The following PLG variants were observed in gnomAD, a reference collection of about 807,000 sequenced individuals.
The protein encoded by PLG is plasminogen.
In PLG, 41 loss-of-function variants were observed where a neutral mutation model predicts 104.4. The ratio of observed to expected loss-of-function variants is 0.39; its 90% confidence interval spans 0.31 to 0.51. The LOEUF is 0.51. Among genes scored for constraint, PLG ranks in the 20% least tolerant of loss-of-function variants. PLG has a pLI of 0.76. For synonymous variants in PLG, 337 were observed against 357.1 expected (o/e 0.94, Z 0.63); for missense variants, 891 against 1,003.6 (o/e 0.89, Z 1.52).
At position 160,724,341 on chromosome 6, in the gene PLG, C is replaced by T. The variant is rs374795053; in HGVS notation, c.1256+1774C>T. On this transcript the variant is annotated intron_variant, in intron 10 of 18. Coordinates refer to ENST00000308192, the MANE Select transcript of PLG (RefSeq NM_000301.5). The surrounding 1 kb of genome is among the most constrained non-coding windows in gnomAD (Gnocchi z 5.0). ...TGTTTAATGAAAAATGTACTGGCTACCCTTACCATCAGGTTAGACATTACA... is the reference window on the plus strand; with the variant it reads ...TGTTTAATGAAAAATGTACTGGCTATCCTTACCATCAGGTTAGACATTACA... Among the ~76,000 whole-genome samples the T allele has an allele frequency of 3.3e-5, 5 of 152,114 alleles. No homozygotes were observed. The highest frequency in any genetic ancestry group is 9.6e-5 in the African/African-American group (4 of 41,514).
At chr6:160,717,938 T>G (rs1777767012) in intron 7 of PLG, among the ~76,000 whole-genome samples, 1 of 152,172 alleles carries the variant, frequency 6.6e-6, no homozygotes, top group Admixed American at 6.5e-5. Context: ...CATCCATCTG[T>G]GCATTCTCTA....
intron 5 of PLG, 142 bp downstream of exon 5, chr6:160,713,267 A>C (rs1777676264): frequency 4.9e-5 from 36 of 738,526 alleles, no homozygotes; most frequent in Middle Eastern, 3.9e-4. Flanking sequence ...CCCAGAATTA[A>C]CCTGAATTTT....
intron 7 of PLG, 68 bp downstream of exon 7, chr6:160,716,831 T>A (rs1324283833): frequency 1.1e-6 from 1 of 940,260 alleles, no homozygotes. Flanking sequence ...AAAGAAAACA[T>A]GTGTCAGTGC....
chr6:160,710,118 G>C (rs1777612341), intron 3 of PLG, among the ~76,000 whole-genome samples: 1 of 152,152 alleles, frequency 6.6e-6, no homozygotes. Context: ...CAATCTGAAT[G>C]TGTAAAACCT....
rs905568410 is a variant in PLG, at chr6:160,736,386, T to C, written c.1682-501T>C. ...GTAATCCTTGCTACATACAATCACA[T>C]ACACACACACACACACGTGCACACA... On this transcript the variant is annotated intron_variant, in intron 13 of 18. Coordinates refer to ENST00000308192, the MANE Select transcript of PLG (RefSeq NM_000301.5). This position sits in a 1 kb window ranked among gnomAD's most constrained non-coding sequence, Gnocchi z 5.2. 1.3e-4 allele frequency among the ~76,000 whole-genome samples: 20 copies of C among 151,066 alleles called. No individual in the cohort carries two copies. The highest frequency in any genetic ancestry group is 5.9e-4 in the Admixed American group (9 of 15,166).
In PLG at chr6:160,734,196, C is replaced by A; in HGVS notation, c.1681+108C>A. On this transcript the variant is annotated intron_variant, in intron 13 of 18. Transcript: ENST00000308192. This position sits in a 1 kb window ranked among gnomAD's most constrained non-coding sequence, Gnocchi z 4.4. The stretch of plus-strand genomic sequence containing the variant: ...TGCTTCTGGGGAGGAGATAGCTGCC[C>A]TCTCCATCAGACCCCACTCTTCATC... The A allele has an allele frequency of 1.5e-6, 1 of 677,206 alleles. No individual in the cohort carries two copies. Among genetic ancestry groups the A allele is most frequent in the Non-Finnish European group, 2.8e-6 (1 of 362,204 alleles). 41.9% of individuals were successfully genotyped at this position (677,206 alleles called of 1,614,324 possible).
Position 160,724,205 on chromosome 6 carries a change from T to C in PLG, c.1256+1638T>C, listed in dbSNP as rs1363051320. Among the ~76,000 whole-genome samples the C allele has an allele frequency of 2.0e-5, 3 of 152,142 alleles. No homozygotes were observed. Among genetic ancestry groups the C allele is most frequent in the Non-Finnish European group, 4.4e-5 (3 of 68,026 alleles). On this transcript the variant is annotated intron_variant, in intron 10 of 18. Transcript: ENST00000308192. This position sits in a 1 kb window ranked among gnomAD's most constrained non-coding sequence, Gnocchi z 5.0. ...GATTTGAAATATATATATATCATAA[T>C]TGTGTTCAAGGATTTAAATAAAACA...
rs972667958 is a variant in PLG at position 160,723,836 on chromosome 6, G to A, written c.1256+1269G>A. On this transcript the variant is annotated intron_variant, in intron 10 of 18. Coordinates refer to ENST00000308192, the MANE Select transcript of PLG (RefSeq NM_000301.5). The surrounding 1 kb of genome is among the most constrained non-coding windows in gnomAD (Gnocchi z 4.7). ...TCTGACCAGCCTGAGGAGAGACCTCGCTGAACATCTTGGGCATTCAGTAGT... is the reference window on the plus strand; with the variant it reads ...TCTGACCAGCCTGAGGAGAGACCTCACTGAACATCTTGGGCATTCAGTAGT... Among the ~76,000 whole-genome samples the A allele has an allele frequency of 2.6e-5, 4 of 152,136 alleles. No individual in the cohort carries two copies. The highest frequency in any genetic ancestry group is 4.4e-5 in the Non-Finnish European group (3 of 68,024).
In PLG at chr6:160,741,269, G is replaced by C; in HGVS notation, c.2019-42G>C. 1.5e-6 allele frequency: 2 copies of C among 1,328,192 alleles called. No individual in the cohort carries two copies. The highest frequency in any genetic ancestry group is 2.3e-5 in the East Asian group (1 of 43,476). The allele number at this position is 1,328,192 out of a possible 1,614,324, so 82.3% of individuals were successfully genotyped here. On this transcript the variant is annotated intron_variant, in intron 16 of 18. Coordinates refer to ENST00000308192, the MANE Select transcript of PLG (RefSeq NM_000301.5). This position sits in a 1 kb window ranked among gnomAD's most constrained non-coding sequence, Gnocchi z 4.7. ...GACTGGTTGTGGGTACTGCAGCTGC[G>C]AGCAGAGCAGTCAAACATAACTGCT...
chr6:160,729,038 G>A (rs191108153), intron 10 of PLG, among the ~76,000 whole-genome samples: 8 of 152,052 alleles, frequency 5.3e-5, no homozygotes, highest in Non-Finnish European at 4.4e-5. Context: ...GAGTATAAAC[G>A]TTTCTCCCAC....
intron 4 of PLG, chr6:160,711,812 T>G: frequency 1.3e-6 from 2 of 1,507,214 alleles, no homozygotes; most frequent in Non-Finnish European, 1.8e-6. Context: ...AGAACTCTCA[T>G]CACATGTTCG....
At chr6:160,742,298 C>G (rs975391207) in intron 17 of PLG, among the ~76,000 whole-genome samples, 2 of 152,222 alleles carry the variant, frequency 1.3e-5, no homozygotes, top group Non-Finnish European at 2.9e-5. Flanking sequence ...TCTCTTTTCT[C>G]TGCAACCTTG....
Position 160,726,559 on chromosome 6 carries a change from A to T in PLG, c.1256+3992A>T, listed in dbSNP as rs1777925520. 6.6e-6 allele frequency among the ~76,000 whole-genome samples: 1 copy of T among 151,466 alleles called. No homozygotes were observed. The highest frequency in any genetic ancestry group is 1.5e-5 in the Non-Finnish European group (1 of 67,808). On this transcript the variant is annotated intron_variant, in intron 10 of 18. Coordinates refer to ENST00000308192, the MANE Select transcript of PLG (RefSeq NM_000301.5). This position sits in a 1 kb window ranked among gnomAD's most constrained non-coding sequence, Gnocchi z 4.4. Reference sequence around the variant, plus strand: ...AGTCTCTTGAGATCCCTTCAGAGACAGTCTATGAGGTTAAAACACCTTTAA... The same window carrying T: ...AGTCTCTTGAGATCCCTTCAGAGACTGTCTATGAGGTTAAAACACCTTTAA...
chr6:160,725,285 C>G lies in PLG; in HGVS notation c.1256+2718C>G, dbSNP rs574358106. ...GCAAAATGATAGCAATGTATTGCTA[C>G]TTTAACATATGTAAAAGTAAAAATT... On this transcript the variant is annotated intron_variant, in intron 10 of 18. Transcript: ENST00000308192. This position sits in a 1 kb window ranked among gnomAD's most constrained non-coding sequence, Gnocchi z 6.3. Among the ~76,000 whole-genome samples the G allele has an allele frequency of 7.9e-5, 12 of 152,062 alleles. No homozygotes were observed. Among genetic ancestry groups the G allele is most frequent in the Non-Finnish European group, 1.8e-4 (12 of 68,016 alleles).
chr6:160,720,807 C>T (rs181013302), intron 9 of PLG, among the ~76,000 whole-genome samples: 18 of 152,194 alleles, frequency 1.2e-4, no homozygotes, highest in Admixed American at 5.2e-4. Flanking sequence ...TCTGTATTTT[C>T]CTTTTGGGAC....
In PLG at chr6:160,708,874, C is replaced by A. The variant is rs966373752; in HGVS notation, c.292+1068C>A. On this transcript the variant is annotated intron_variant, in intron 3 of 18. Transcript: ENST00000308192. ...ATCTCGAATTCTTGAGATTAAAGTG[C>A]AGATTAAATCTAAACTTTATCTGGT... Among the ~76,000 whole-genome samples the A allele has an allele frequency of 3.3e-5, 5 of 151,934 alleles. No individual in the cohort carries two copies. The South Asian group carries it at 8.3e-4, about 25-fold the overall frequency.
chr6:160,741,369 G>T lies in PLG; in HGVS notation c.2077G>T (p.Val693Phe). 4 of 1,613,740 alleles carry T rather than the reference G, an allele frequency of 2.5e-6. No individual in the cohort carries two copies. The highest frequency in any genetic ancestry group is 2.5e-6 in the Non-Finnish European group (3 of 1,179,576). Residue 693 changes from valine (V) to phenylalanine (F), a missense_variant, in exon 17 of 19, where the codon GTC becomes TTC. Around this residue, in one of 2 missense-constraint regions of PLG, gnomAD observed 854 missense variants for 932.1 expected, o/e 0.92. Coordinates refer to ENST00000308192, the MANE Select transcript of PLG (RefSeq NM_000301.5). The surrounding 1 kb of genome is among the most constrained non-coding windows in gnomAD (Gnocchi z 4.7). ...PACLPSPNYV[V>F]ADRTECFITG... is the part of the protein sequence containing the mutation. Reference sequence around the variant, plus strand: ...TTGTCTGCCATCCCCAAATTATGTGGTCGCTGACCGGACCGAATGTTTCAT... The same window carrying T: ...TTGTCTGCCATCCCCAAATTATGTGTTCGCTGACCGGACCGAATGTTTCAT...
intron 7 of PLG, 65 bp from the exon 8 acceptor site, chr6:160,718,226 GGGC>G (rs1777773719): frequency 7.2e-7 from 1 of 1,392,380 alleles, no homozygotes; most frequent in Non-Finnish European, 1.0e-6. Flanking sequence ...ACTCCAGCCT[GGGC>G]GACAGAGCGA....
chr6:160,737,028 G>T lies in PLG; in HGVS notation c.1802+21G>T, dbSNP rs745624889. ...ACAAGGTAAGAACAGGCCCAGAAACGATTTATACTGTCCCTCCACGTAAGC... is the reference window on the plus strand; with the variant it reads ...ACAAGGTAAGAACAGGCCCAGAAACTATTTATACTGTCCCTCCACGTAAGC... On this transcript the variant is annotated intron_variant, in intron 14 of 18. Coordinates refer to ENST00000308192, the MANE Select transcript of PLG (RefSeq NM_000301.5). The surrounding 1 kb of genome is among the most constrained non-coding windows in gnomAD (Gnocchi z 4.7). 11 of 1,611,512 alleles carry T rather than the reference G, an allele frequency of 6.8e-6. No individual in the cohort carries two copies. The highest frequency in any genetic ancestry group is 4.3e-4 in the Middle Eastern group (2 of 4,696).
Sources: gnomAD v4.1 joint callset for allele counts (sites outside exome capture counted in the v4.1 genomes callset) on GRCh38, gnomAD v4.1.1 for gene constraint, gnomAD v4.1.1 regional missense constraint, Gnocchi (gnomAD v3.1) non-coding constraint, MANE v1.5 for transcripts, NCBI Gene and HGNC (gene_info 2026-07-23, HGNC 2026-07-21) for gene names.